LOXL1: variants seen among roughly 807,000 people sequenced by gnomAD.
LOXL1 encodes the protein lysyl oxidase homolog 1.
Under a neutral mutation model 62.2 loss-of-function variants are expected in LOXL1, and 31 were observed. The observed-to-expected ratio is 0.50, with a 90% CI of 0.37 to 0.67. LOXL1 has a LOEUF of 0.67. Ranked by LOEUF, LOXL1 falls within the 30% of genes least tolerant of loss-of-function variation. LOXL1 has a pLI of 0.00. For missense variants in LOXL1, 775 were observed against 843.4 expected, an observed-to-expected ratio of 0.92 and a Z score of 1.00; for synonymous variants, 403 against 384.4, an observed-to-expected ratio of 1.05 and a Z score of -0.56.
chr15:73,934,901 C>A (rs2068660027), intron 1 of LOXL1, among the ~76,000 whole-genome samples: 1 of 152,070 alleles, frequency 6.6e-6, no homozygotes, highest in Non-Finnish European at 1.5e-5. Context: ...TATGAGTGAG[C>A]CATGCAGCTG....
In LOXL1 at chr15:73,927,842, C is replaced by G; in HGVS notation, c.1059C>G (p.Arg353=). ...GGERNGAQQG[R]LSVGSVYRPN... is the part of the protein sequence containing the mutation. ...AGCGGAACGGCGCGCAGCAGGGCCG[C>G]CTCAGCGTGGGCAGCGTGTACCGGC... The change falls in exon 1 of 7, where the codon CGC becomes CGG. Residue 353 remains arginine (R), a synonymous_variant. Transcript: ENST00000261921. The G allele has an allele frequency of 7.5e-7, 1 of 1,341,252 alleles. No homozygotes were observed. Among genetic ancestry groups the G allele is most frequent in the Non-Finnish European group, 9.5e-7 (1 of 1,054,664 alleles). 83.1% of individuals were successfully genotyped at this position (1,341,252 alleles called of 1,614,324 possible).
chr15:73,951,914 G>T lies in LOXL1; in HGVS notation c.*77G>T, dbSNP rs899582776. The T allele has an allele frequency of 9.6e-6, 13 of 1,349,742 alleles. No individual in the cohort carries two copies. In the Admixed American group the frequency reaches 3.5e-4, roughly 36 times the overall value. 83.6% of individuals were successfully genotyped at this position (1,349,742 alleles called of 1,614,324 possible). A position where few individuals can be genotyped will look rare whatever the true frequency, so the allele number is the denominator to read the frequency against. On this transcript the variant is annotated 3_prime_UTR_variant, in exon 7 of 7. Coordinates refer to ENST00000261921, the MANE Select transcript of LOXL1 (RefSeq NM_005576.4). ...TCCCCGGGCAGCCTCCCGCCGAGGG[G>T]CCCAGCCCCCAACCCACAGGCACGG...
chr15:73,931,166 G>A (rs572296084), intron 1 of LOXL1, among the ~76,000 whole-genome samples: 31 of 79,088 alleles, frequency 3.9e-4, no homozygotes, highest in Middle Eastern at 5.0e-3. Flanking sequence ...CTGACTCACC[G>A]GCTCTGGCAA....
At chr15:73,936,882 C>T (rs889118349) in intron 1 of LOXL1, among the ~76,000 whole-genome samples, 2 of 152,270 alleles carry the variant, frequency 1.3e-5, no homozygotes, top group African/African-American at 4.8e-5. Context: ...AGGGCTCGGG[C>T]TCTTGCCCAA....
At position 73,933,765 on chromosome 15, in the gene LOXL1, G is replaced by A. The variant is rs570612756; in HGVS notation, c.1102+5880G>A. ...AGGGGCAGGGAGGGAGCTGGGGTCC[G>A]CCCAGGCGGCCCACACCTCCTTCCA... On this transcript the variant is annotated intron_variant, in intron 1 of 6. Coordinates refer to ENST00000261921, the MANE Select transcript of LOXL1 (RefSeq NM_005576.4). Among the ~76,000 whole-genome samples the A allele has an allele frequency of 1.4e-4, 21 of 152,368 alleles. No homozygotes were observed. In the South Asian group the frequency reaches 1.9e-3, roughly 14 times the overall value.
intron 1 of LOXL1, among the ~76,000 whole-genome samples, chr15:73,934,560 CAGAAGGCAGATATCATCTCGTGA>C (rs1567085447): frequency 1.4e-4 from 22 of 152,256 alleles, no homozygotes; most frequent in East Asian, 3.9e-4. Context: ...TGCCTGGCTG[CAGAAGGCAGATATCATCTCGTGA>C]GGAAATAGGG....
Position 73,926,871 on chromosome 15 carries a change from C to A in LOXL1, c.88C>A (p.Pro30Thr). The A allele has an allele frequency of 6.4e-7, 1 of 1,553,790 alleles. No individual in the cohort carries two copies. Among genetic ancestry groups the A allele is most frequent in the Non-Finnish European group, 8.7e-7 (1 of 1,149,210 alleles). ...GCTGGTGCACGGGCAGCAGGCGCAG[C>A]CCGGGCAGGGCTCGGACCCCGCCCG... ...CVLVHGQQAQ[P>T]GQGSDPARWR... is the part of the protein sequence containing the mutation. The change falls in exon 1 of 7, where the codon CCC becomes ACC. Residue 30 changes from proline (P) to threonine (T), a missense_variant. Pro to Thr is a conservative substitution (Grantham distance 38, BLOSUM62 -1). Transcript: ENST00000261921.
At chr15:73,934,458 C>T (rs1259773856) in intron 1 of LOXL1, among the ~76,000 whole-genome samples, 2 of 152,202 alleles carry the variant, frequency 1.3e-5, no homozygotes, top group East Asian at 1.9e-4. Context: ...TCTTTGCCAG[C>T]TCTCAGCACC....
At chr15:73,929,499 C>T (rs1014376027) in intron 1 of LOXL1, among the ~76,000 whole-genome samples, 1 of 152,200 alleles carries the variant, frequency 6.6e-6, no homozygotes, top group Non-Finnish European at 1.5e-5. Flanking sequence ...GGGAGAGGAG[C>T]GTCTCCACTG....
chr15:73,934,318 G>A (rs1425195515), intron 1 of LOXL1, among the ~76,000 whole-genome samples: 1 of 152,204 alleles, frequency 6.6e-6, no homozygotes, highest in Non-Finnish European at 1.5e-5. Flanking sequence ...GGACATACAG[G>A]TGCTAGGCCC....
chr15:73,943,623 C>A (rs1302890924), intron 2 of LOXL1, among the ~76,000 whole-genome samples: 1 of 147,592 alleles, frequency 6.8e-6, no homozygotes, highest in Non-Finnish European at 1.5e-5. Context: ...CTGCCTCTCG[C>A]AGTGTTTGCT....
chr15:73,931,938 T>C (rs1224065959), intron 1 of LOXL1, among the ~76,000 whole-genome samples: 2 of 152,252 alleles, frequency 1.3e-5, no homozygotes, highest in Non-Finnish European at 2.9e-5. Context: ...CTGACTTCAA[T>C]GTGCAGTTTC....
chr15:73,931,429 T>C (rs1595843835), intron 1 of LOXL1, among the ~76,000 whole-genome samples: 1 of 152,262 alleles, frequency 6.6e-6, no homozygotes, highest in African/African-American at 2.4e-5. Flanking sequence ...GAAGATTCTG[T>C]AGCTCCTCAG....
chr15:73,936,261 G>T (rs143653211), intron 1 of LOXL1, among the ~76,000 whole-genome samples: 1 of 152,110 alleles, frequency 6.6e-6, no homozygotes, highest in Non-Finnish European at 1.5e-5. Context: ...GGGGCAAAGT[G>T]GAATCTGCAG....
At position 73,926,878 on chromosome 15, in the gene LOXL1, A is replaced by T; in HGVS notation, c.95A>T (p.Gln32Leu). ...LVHGQQAQPG[Q>L]GSDPARWRQL... Reference sequence around the variant, plus strand: ...CACGGGCAGCAGGCGCAGCCCGGGCAGGGCTCGGACCCCGCCCGCTGGCGG... The same window carrying T: ...CACGGGCAGCAGGCGCAGCCCGGGCTGGGCTCGGACCCCGCCCGCTGGCGG... The change falls in exon 1 of 7, where the codon CAG (glutamine) becomes CTG (leucine). Residue 32 changes from glutamine to leucine, a missense_variant. Transcript: ENST00000261921. 1 of 1,557,854 alleles carries T rather than the reference A, an allele frequency of 6.4e-7. No homozygotes were observed. Among genetic ancestry groups the T allele is most frequent in the Non-Finnish European group, 8.7e-7 (1 of 1,151,532 alleles).
chr15:73,947,055 C>T lies in LOXL1; in HGVS notation c.1350-12C>T, dbSNP rs749884916. 8.8e-6 allele frequency: 14 copies of T among 1,586,134 alleles called. No homozygotes were observed. The highest frequency in any genetic ancestry group is 1.2e-5 in the Non-Finnish European group (14 of 1,160,510). ...AGGCCCTCTTCTTTCTCCTTCTCTCCTCTGCCCCTAGGCATTACCACAGCA... is the reference window on the plus strand; with the variant it reads ...AGGCCCTCTTCTTTCTCCTTCTCTCTTCTGCCCCTAGGCATTACCACAGCA... On this transcript the variant is annotated splice_polypyrimidine_tract_variant and intron_variant, in intron 3 of 6. Coordinates refer to ENST00000261921, the MANE Select transcript of LOXL1 (RefSeq NM_005576.4).
At position 73,947,051 on chromosome 15, in the gene LOXL1, T is replaced by C. The variant is rs1244235833; in HGVS notation, c.1350-16T>C. 6.3e-7 allele frequency: 1 copy of C among 1,576,186 alleles called. No homozygotes were observed. The highest frequency in any genetic ancestry group is 8.7e-7 in the Non-Finnish European group (1 of 1,154,848). ...GACTAGGCCCTCTTCTTTCTCCTTC[T>C]CTCCTCTGCCCCTAGGCATTACCAC... On this transcript the variant is annotated splice_polypyrimidine_tract_variant and intron_variant, in intron 3 of 6. Coordinates refer to ENST00000261921, the MANE Select transcript of LOXL1 (RefSeq NM_005576.4).
Position 73,949,488 on chromosome 15 carries a change from G to T in LOXL1, c.1632G>T (p.Leu544Phe). Residue 544 changes from leucine (L) to phenylalanine (F), a missense_variant, in exon 6 of 7, where the codon TTG (leucine) becomes TTT (phenylalanine). Transcript: ENST00000261921. Reference protein sequence around the residue: ...KVHVNPKYIVLESDFTNNVVR... With the variant: ...KVHVNPKYIVFESDFTNNVVR... ...ACGTGAACCCAAAGTATATTGTTTT[G>T]GAGTCTGACTTCACCAACAACGTGG... 1 of 1,613,650 alleles carries T rather than the reference G, an allele frequency of 6.2e-7. No homozygotes were observed. The highest frequency in any genetic ancestry group is 1.7e-5 in the Admixed American group (1 of 60,018).
chr15:73,926,901 C>T lies in LOXL1; in HGVS notation c.118C>T (p.Arg40Trp). The change falls in exon 1 of 7, where the codon CGG (arginine) becomes TGG (tryptophan). Residue 40 changes from arginine to tryptophan, a missense_variant. Arg to Trp is a moderately radical substitution (Grantham distance 101). Coordinates refer to ENST00000261921, the MANE Select transcript of LOXL1 (RefSeq NM_005576.4). ...PGQGSDPARW[R>W]QLIQWENNGQ... Reference sequence around the variant, plus strand: ...GCAGGGCTCGGACCCCGCCCGCTGGCGGCAGCTGATCCAGTGGGAGAACAA... The same window carrying T: ...GCAGGGCTCGGACCCCGCCCGCTGGTGGCAGCTGATCCAGTGGGAGAACAA... 6.4e-7 allele frequency: 1 copy of T among 1,567,140 alleles called. No individual in the cohort carries two copies. The highest frequency in any genetic ancestry group is 8.6e-7 in the Non-Finnish European group (1 of 1,157,080).
Sources: allele counts gnomAD v4.1 joint callset (sites outside exome capture counted in the v4.1 genomes callset), GRCh38; gene constraint gnomAD v4.1.1; transcripts MANE v1.5; gene names NCBI Gene and HGNC (gene_info 2026-07-23, HGNC 2026-07-21).